The following ACRBP variants were observed in gnomAD, a reference collection of about 807,000 sequenced individuals.
ACRBP encodes the protein acrosin-binding protein.
ACRBP carries 52 observed loss-of-function variants against 69.0 expected under a neutral mutation model. That is an observed-to-expected ratio of 0.75 (90% CI 0.60 to 0.95). ACRBP has a LOEUF of 0.95. Ranked by LOEUF, ACRBP falls within the 40% of genes least tolerant of loss-of-function variation. The probability of loss-of-function intolerance (pLI) is 0.00; values close to 1 mark genes in which losing one functional copy is unlikely to be tolerated. For synonymous variants in ACRBP, 267 were observed against 258.9 expected (o/e 1.03, Z -0.30); for missense variants, 604 against 673.0 (o/e 0.90, Z 1.13).
At position 6,646,884 on chromosome 12, in the gene ACRBP, T is replaced by C. The variant is rs756366387; in HGVS notation, c.172A>G (p.Thr58Ala). 5.0e-6 allele frequency: 8 copies of C among 1,614,018 alleles called. No individual in the cohort carries two copies. Among genetic ancestry groups the C allele is most frequent in the Non-Finnish European group, 6.8e-6 (8 of 1,180,032 alleles). Reference sequence around the variant, plus strand: ...TGGGTTGCACGGAGACGGCAGGTAGTCTCTGCCTTCCAGGTTGGAGTCAGC... The same window carrying C: ...TGGGTTGCACGGAGACGGCAGGTAGCCTCTGCCTTCCAGGTTGGAGTCAGC... ...ALLTPTWKAE[T>A]TCRLRATHGC... The change falls in exon 2 of 10, where the codon ACT (threonine) becomes GCT (alanine). Residue 58 changes from threonine (T) to alanine (A), a missense_variant. Coordinates refer to ENST00000229243, the MANE Select transcript of ACRBP (RefSeq NM_032489.3).
chr12:6,639,931 A>G (rs1003075502), intron 8 of ACRBP, 129 bp downstream of exon 8: 1 of 1,134,508 alleles, frequency 8.8e-7, no homozygotes, highest in Non-Finnish European at 1.2e-6. Flanking sequence ...CAGGAGATTC[A>G]GTGAGGACGG....
chr12:6,644,032 A>G, intron 5 of ACRBP, 105 bp downstream of exon 5: 3 of 1,499,328 alleles, frequency 2.0e-6, no homozygotes, highest in Non-Finnish European at 1.8e-6. Context: ...AAGTCCAGAC[A>G]GGTCTGAGTG....
intron 4 of ACRBP, 29 bp from the exon 5 acceptor site, chr12:6,644,634 G>C: frequency 1.3e-6 from 2 of 1,574,818 alleles, no homozygotes; most frequent in African/African-American, 1.4e-5. Context: ...AGAAGGGAGA[G>C]AGACAGTCAG....
In ACRBP at chr12:6,646,587, G is replaced by A; in HGVS notation, c.263-10C>T. 6.2e-7 allele frequency: 1 copy of A among 1,612,964 alleles called. No individual in the cohort carries two copies. Among genetic ancestry groups the A allele is most frequent in the Non-Finnish European group, 8.5e-7 (1 of 1,178,956 alleles). ...TTGGAGCAGACAGCACCTGAGAAAG[G>A]GCAGGGGTGGAGAAGATGAACCCGT... On this transcript the variant is annotated splice_polypyrimidine_tract_variant and intron_variant, in intron 2 of 9. Transcript: ENST00000229243.
chr12:6,639,536 G>A (rs1357337681), intron 8 of ACRBP, among the ~76,000 whole-genome samples: 1 of 152,174 alleles, frequency 6.6e-6, no homozygotes, highest in Non-Finnish European at 1.5e-5. Context: ...CCTTGCCTTG[G>A]TTTTCCCTGC....
At chr12:6,638,915 G>A in intron 9 of ACRBP, 39 bp downstream of exon 9, 7 of 1,605,722 alleles carry the variant, frequency 4.4e-6, no homozygotes, top group Non-Finnish European at 6.0e-6. Flanking sequence ...CTGATTGAGG[G>A]GGTGCTGGGA....
At chr12:6,639,370 A>G (rs1949035099) in intron 8 of ACRBP, among the ~76,000 whole-genome samples, 1 of 152,028 alleles carries the variant, frequency 6.6e-6, no homozygotes, top group Non-Finnish European at 1.5e-5. Flanking sequence ...GATGTCAAGG[A>G]TTTTTCTGGT....
rs1488681172 is a variant in ACRBP at position 6,640,269 on chromosome 12, A to T, written c.1258-42T>A. On this transcript the variant is annotated intron_variant, in intron 7 of 9. Coordinates refer to ENST00000229243, the MANE Select transcript of ACRBP (RefSeq NM_032489.3). This position sits in a 1 kb window ranked among gnomAD's most constrained non-coding sequence, Gnocchi z 5.3. Reference sequence around the variant, plus strand: ...AGGGGAGAGGTGCGTGCCCCTCCCCACCTGCTGGCCACCACCACCCCACCC... The same window carrying T: ...AGGGGAGAGGTGCGTGCCCCTCCCCTCCTGCTGGCCACCACCACCCCACCC... The T allele has an allele frequency of 5.0e-6, 8 of 1,611,454 alleles. No homozygotes were observed. The highest frequency in any genetic ancestry group is 6.8e-6 in the Non-Finnish European group (8 of 1,178,376).
chr12:6,644,293 G>T lies in ACRBP; in HGVS notation c.788C>A (p.Ser263Tyr). The T allele has an allele frequency of 6.2e-7, 1 of 1,614,178 alleles. No homozygotes were observed. The highest frequency in any genetic ancestry group is 8.5e-7 in the Non-Finnish European group (1 of 1,180,038). Residue 263 changes from serine (S) to tyrosine (Y), a missense_variant, in exon 5 of 10, where the codon TCT (serine) becomes TAT (tyrosine). This residue lies in a region of ACRBP where 532 missense variants were observed against 562.9 expected (regional missense o/e 0.95). Coordinates refer to ENST00000229243, the MANE Select transcript of ACRBP (RefSeq NM_032489.3). ...EPKFHSESLS[S>Y]NPSSFAPRVR... The stretch of plus-strand genomic sequence containing the variant: ...CCGGGGAGCAAAAGAGGAAGGGTTA[G>T]AAGATAGAGATTCAGAGTGAAACTT...
rs1949046221 is a variant in ACRBP at position 6,640,696 on chromosome 12, C to T, written c.1078-174G>A. ...CAAGGGTTCCTCAAGGACCTTGCCT[C>T]AGCTATTTCTTCACCCTCTTCCTGG... On this transcript the variant is annotated intron_variant, in intron 6 of 9. Transcript: ENST00000229243. This position sits in a 1 kb window ranked among gnomAD's most constrained non-coding sequence, Gnocchi z 5.3. Among the ~76,000 whole-genome samples the T allele has an allele frequency of 6.6e-6, 1 of 152,200 alleles. No homozygotes were observed. The highest frequency in any genetic ancestry group is 1.5e-5 in the Non-Finnish European group (1 of 68,032).
Position 6,646,476 on chromosome 12 carries a change from G to C in ACRBP, c.357+7C>G. ...GCACCAAATCCAACCTTTGTCCTGGGCCTCACCTTGGCATAGTAGACGTGG... is the reference window on the plus strand; with the variant it reads ...GCACCAAATCCAACCTTTGTCCTGGCCCTCACCTTGGCATAGTAGACGTGG... On this transcript the variant is annotated splice_region_variant and intron_variant, in intron 3 of 9. Coordinates refer to ENST00000229243, the MANE Select transcript of ACRBP (RefSeq NM_032489.3). 1.2e-6 allele frequency: 2 copies of C among 1,613,492 alleles called. No homozygotes were observed. The highest frequency in any genetic ancestry group is 1.7e-6 in the Non-Finnish European group (2 of 1,179,500).
Position 6,644,541 on chromosome 12 carries a change from T to C in ACRBP, c.540A>G (p.Leu180=), listed in dbSNP as rs1949074954. ...ERLSNNVEEL[L]QSSLSLGGQE... is the part of the protein sequence containing the mutation. ...GGCCTCCCAGGGACAAGGAGGATTG[T>C]AGGAGCTCTTCCACGTTGTTGCTGA... The change falls in exon 5 of 10, where the codon CTA becomes CTG. Residue 180 remains leucine (L), a synonymous_variant. Transcript: ENST00000229243. The C allele has an allele frequency of 6.2e-7, 1 of 1,614,090 alleles. No individual in the cohort carries two copies. The highest frequency in any genetic ancestry group is 1.1e-5 in the South Asian group (1 of 91,082).
chr12:6,639,803 T>C (rs1949037606), intron 8 of ACRBP, among the ~76,000 whole-genome samples: 1 of 152,190 alleles, frequency 6.6e-6, no homozygotes, highest in Non-Finnish European at 1.5e-5. Context: ...AGCAAGTAAC[T>C]GGCAGAGTTG....
chr12:6,647,073 G>A, intron 1 of ACRBP, 61 bp from the exon 2 acceptor site: 2 of 1,481,416 alleles, frequency 1.4e-6, no homozygotes, highest in East Asian at 4.6e-5. Context: ...CCGAGACCAG[G>A]ACAGACAGAC....
In ACRBP at chr12:6,640,315, T is replaced by C. The variant is rs1048374371; in HGVS notation, c.1257+28A>G. On this transcript the variant is annotated intron_variant, in intron 7 of 9. Transcript: ENST00000229243. The surrounding 1 kb of genome is among the most constrained non-coding windows in gnomAD (Gnocchi z 5.3). Reference sequence around the variant, plus strand: ...CACCCCTGCCACCCAGTTCTGCCTTTCCCACTGCGGGCTGCCGGGCTAGAT... The same window carrying C: ...CACCCCTGCCACCCAGTTCTGCCTTCCCCACTGCGGGCTGCCGGGCTAGAT... The C allele has an allele frequency of 3.7e-6, 6 of 1,613,704 alleles. No individual in the cohort carries two copies. In the East Asian group the frequency reaches 6.7e-5, roughly 18 times the overall value.
At chr12:6,641,301 C>T (rs556968364) in intron 6 of ACRBP, among the ~76,000 whole-genome samples, 26 of 152,352 alleles carry the variant, frequency 1.7e-4, no homozygotes, top group South Asian at 4.1e-4. Context: ...GTCAATCCCA[C>T]GGTCCTCCTT....
chr12:6,641,457 T>C (rs1385648260), intron 6 of ACRBP, among the ~76,000 whole-genome samples: 1 of 152,178 alleles, frequency 6.6e-6, no homozygotes, highest in African/African-American at 2.4e-5. Flanking sequence ...CAAATGCTCA[T>C]GTTGCCATTC....
Position 6,647,340 on chromosome 12 carries a change from A to G in ACRBP, c.27T>C (p.Leu9=). The G allele has an allele frequency of 6.5e-7, 1 of 1,547,716 alleles. No individual in the cohort carries two copies. The highest frequency in any genetic ancestry group is 1.2e-5 in the South Asian group (1 of 83,926). ...ACCTCTCACCCTTCAGGAGTGAGGG[A>G]AGGAAGCCAGCGGCTGGCTTCCTCA... MRKPAAGF[L]PSLLKVLLLP... The change falls in exon 1 of 10, where the codon CTT becomes CTC. Residue 9 remains leucine, a synonymous_variant. Transcript: ENST00000229243.
At chr12:6,639,907 C>A (rs577627151) in intron 8 of ACRBP, among the ~76,000 whole-genome samples, 153 bp downstream of exon 8, 7 of 152,126 alleles carry the variant, frequency 4.6e-5, no homozygotes, top group Non-Finnish European at 7.3e-5. Context: ...GTGCAATGGT[C>A]TCTTGGAGAG....
Sources: allele counts gnomAD v4.1 joint callset (sites outside exome capture counted in the v4.1 genomes callset), GRCh38; gene constraint gnomAD v4.1.1; regional missense constraint gnomAD v4.1.1; non-coding constraint Gnocchi (gnomAD v3.1); transcripts MANE v1.5; gene names NCBI Gene and HGNC (gene_info 2026-07-23, HGNC 2026-07-21).